Variants in TMEM38A observed in about 807,000 individuals in gnomAD.
TMEM38A encodes the protein trimeric intracellular cation channel type A.
In TMEM38A, 17 loss-of-function variants were observed where a neutral mutation model predicts 28.6. The ratio of observed to expected loss-of-function variants is 0.60; its 90% confidence interval spans 0.41 to 0.89. The LOEUF is 0.89. Ranked by LOEUF, TMEM38A falls within the 40% of genes least tolerant of loss-of-function variation. The probability of loss-of-function intolerance (pLI) is 0.00; values close to 1 mark genes in which losing one functional copy is unlikely to be tolerated. For synonymous variants in TMEM38A, 169 were observed against 166.1 expected (o/e 1.02, Z -0.14); for missense variants, 328 against 393.1 (o/e 0.83, Z 1.40).
At chr19:16,666,084 G>A (rs915203436) in intron 1 of TMEM38A, among the ~76,000 whole-genome samples, 17 of 151,978 alleles carry the variant, frequency 1.1e-4, no homozygotes, top group African/African-American at 2.9e-4. Context: ...GGGTTCAAGC[G>A]ATTCTCCTGC....
At position 16,680,033 on chromosome 19, in the gene TMEM38A, C is replaced by T; in HGVS notation, c.174C>T (p.Ala58=). Residue 58 remains alanine (A), a synonymous_variant, in exon 2 of 6, where the codon GCC becomes GCT. Coordinates refer to ENST00000187762, the MANE Select transcript of TMEM38A (RefSeq NM_024074.4). ...ACCCCATCGCGTCCTGGCTGTGCGCCATGCTGCATTGCTTCGGGAGCTACA... is the reference window on the plus strand; with the variant it reads ...ACCCCATCGCGTCCTGGCTGTGCGCTATGCTGCATTGCTTCGGGAGCTACA... ...RRHPIASWLC[A]MLHCFGSYIL... The T allele has an allele frequency of 6.2e-7, 1 of 1,611,052 alleles. No homozygotes were observed. The highest frequency in any genetic ancestry group is 2.2e-5 in the East Asian group (1 of 44,878).
At chr19:16,688,120 G>C (rs1470304084) in intron 5 of TMEM38A, 24 bp from the exon 6 acceptor site, 2 of 1,413,406 alleles carry the variant, frequency 1.4e-6, no homozygotes, top group Non-Finnish European at 1.9e-6. Flanking sequence ...CTCTCTTGCT[G>C]TCTCCCTGGC....
chr19:16,686,377 T>C lies in TMEM38A; in HGVS notation c.644T>C (p.Ile215Thr), dbSNP rs1427166672. ...LPVSKASLIF[I>T]FTLFMVSCKV... ...GTGTCCAAAGCCAGCCTCATCTTCA[T>C]CTTCACCTTGTTCATGGTGTCCTGT... Residue 215 changes from isoleucine (I) to threonine (T), a missense_variant, in exon 5 of 6, where the codon ATC (isoleucine) becomes ACC (threonine). By Grantham distance (89) the Ile-to-Thr change is moderately conservative. Transcript: ENST00000187762. 6.8e-6 allele frequency: 11 copies of C among 1,613,740 alleles called. No homozygotes were observed. The East Asian group carries it at 2.5e-4, about 36-fold the overall frequency.
At chr19:16,682,858 G>A (rs896296528) in intron 4 of TMEM38A, among the ~76,000 whole-genome samples, 4 of 152,190 alleles carry the variant, frequency 2.6e-5, no homozygotes, top group African/African-American at 7.2e-5. Flanking sequence ...AGGGTACAGG[G>A]TATGCATGGG....
rs2086814351 is a variant in TMEM38A, at chr19:16,688,997, CT to C, written c.*627del. The C allele has an allele frequency of 1.3e-5, 1 of 79,168 alleles. No individual in the cohort carries two copies. The highest frequency in any genetic ancestry group is 4.9e-5 in the African/African-American group (1 of 20,250). 4.9% of individuals were successfully genotyped at this position (79,168 alleles called of 1,614,324 possible). On this transcript the variant is annotated 3_prime_UTR_variant, in exon 6 of 6. Coordinates refer to ENST00000187762, the MANE Select transcript of TMEM38A (RefSeq NM_024074.4). ...AATAAGACCTGTCTCCAGCAAGACC[CT>C]GTCTCAAAAAAAAAAAAAAAAATTG...
rs10687050 is a variant in TMEM38A at position 16,684,141 on chromosome 19, C to CAGAGAGAGAG, written c.554+1644_554+1653dup. On this transcript the variant is annotated intron_variant, in intron 4 of 5. Coordinates refer to ENST00000187762, the MANE Select transcript of TMEM38A (RefSeq NM_024074.4). ...CAAGACTCTGTCTCAAAGAAAGAAACAGAGAGAGAGAGAGAGAGAGGAAGG... is the reference window on the plus strand; with the variant it reads ...CAAGACTCTGTCTCAAAGAAAGAAACAGAGAGAGAGAGAGAGAGAGAGAGAGAGAGGAAGG... Among the ~76,000 whole-genome samples, 211 of 147,770 alleles carry CAGAGAGAGAG rather than the reference C, an allele frequency of 1.4e-3. 5 individuals are homozygous for CAGAGAGAGAG. In the South Asian group the frequency reaches 0.042, roughly 29 times the overall value.
chr19:16,666,116 G>C (rs1159538479), intron 1 of TMEM38A, among the ~76,000 whole-genome samples: 1 of 151,736 alleles, frequency 6.6e-6, no homozygotes, highest in Non-Finnish European at 1.5e-5. Flanking sequence ...GAGAAGCTGG[G>C]ATTACAGACA....
chr19:16,680,303 C>T (rs765462775), intron 2 of TMEM38A, 94 bp from the exon 3 acceptor site: 25 of 1,515,378 alleles, frequency 1.6e-5, no homozygotes, highest in African/African-American at 4.1e-5. Context: ...AGGCACAGCA[C>T]GTTGGGGAGG....
At position 16,689,782 on chromosome 19, in the gene TMEM38A, C is replaced by G. The variant is rs926341786; in HGVS notation, c.*1411C>G. The G allele has an allele frequency of 1.3e-5, 2 of 152,276 alleles. No individual in the cohort carries two copies. Among genetic ancestry groups the G allele is most frequent in the Admixed American group, 6.6e-5 (1 of 15,246 alleles). The allele number at this position is 152,276 out of a possible 1,614,324, so 9.4% of individuals were successfully genotyped here. ...TAGCTGAAGGGTCCCTCCTGGTCAC[C>G]CTCATCTCAGCCTAGGTCACCAGGA... is the stretch of plus-strand genomic sequence containing the variant. On this transcript the variant is annotated 3_prime_UTR_variant, in exon 6 of 6. Transcript: ENST00000187762.
chr19:16,680,003 G>T lies in TMEM38A; in HGVS notation c.144G>T (p.Arg48=). The change falls in exon 2 of 6, where the codon CGG becomes CGT. Residue 48 remains arginine, a synonymous_variant. Coordinates refer to ENST00000187762, the MANE Select transcript of TMEM38A (RefSeq NM_024074.4). ...KYEPGAVELS[R]RHPIASWLCA... ...TCCCAGGAGCAGTCGAACTGTCCCGGCGCCACCCCATCGCGTCCTGGCTGT... is the reference window on the plus strand; with the variant it reads ...TCCCAGGAGCAGTCGAACTGTCCCGTCGCCACCCCATCGCGTCCTGGCTGT... 6.2e-7 allele frequency: 1 copy of T among 1,607,956 alleles called. No homozygotes were observed.
chr19:16,666,445 T>C (rs968115546), intron 1 of TMEM38A, among the ~76,000 whole-genome samples: 1 of 151,936 alleles, frequency 6.6e-6, no homozygotes, highest in Non-Finnish European at 1.5e-5. Context: ...TTTTTTTTTT[T>C]CGAGACAGGG....
At chr19:16,687,260 A>G (rs2086805752) in intron 5 of TMEM38A, among the ~76,000 whole-genome samples, 1 of 152,126 alleles carries the variant, frequency 6.6e-6, no homozygotes, top group Admixed American at 6.6e-5. Context: ...TGAACCCGGG[A>G]GGTGGAGGTT....
rs550907884 is a variant in TMEM38A at position 16,673,976 on chromosome 19, G to A, written c.125-6008G>A. Among the ~76,000 whole-genome samples, 20 of 151,994 alleles carry A rather than the reference G, an allele frequency of 1.3e-4. No homozygotes were observed. In the South Asian group the frequency reaches 3.7e-3, roughly 28 times the overall value. On this transcript the variant is annotated intron_variant, in intron 1 of 5. Transcript: ENST00000187762. ...AAATTGGCCAGGCATGGTGGCACAC[G>A]TCTGTACTCCTAGCTACTTGGAAGG...
At chr19:16,665,516 C>T (rs752988193) in intron 1 of TMEM38A, among the ~76,000 whole-genome samples, 3 of 151,790 alleles carry the variant, frequency 2.0e-5, no homozygotes, top group Non-Finnish European at 4.4e-5. Context: ...AGAAACTAAA[C>T]GTCTCTGAAT....
In TMEM38A at chr19:16,661,456, C is replaced by T. The variant is rs1035663857; in HGVS notation, c.124+115C>T. 19 of 929,814 alleles carry T rather than the reference C, an allele frequency of 2.0e-5. No homozygotes were observed. Among genetic ancestry groups the T allele is most frequent in the Admixed American group, 3.4e-5 (1 of 29,610 alleles). The allele number at this position is 929,814 out of a possible 1,614,324, so 57.6% of individuals were successfully genotyped here. A position where few individuals can be genotyped will look rare whatever the true frequency, so the allele number is the denominator to read the frequency against. On this transcript the variant is annotated intron_variant, in intron 1 of 5. Transcript: ENST00000187762. The surrounding 1 kb of genome is among the most constrained non-coding windows in gnomAD (Gnocchi z 6.5). ...TGGTGGAGGGAGCGAGGGACAGGTT[C>T]AAGGATTGCATCGTGGGAGTAGGCA... is the stretch of plus-strand genomic sequence containing the variant.
intron 1 of TMEM38A, among the ~76,000 whole-genome samples, chr19:16,679,457 G>A (rs906995415): frequency 6.6e-6 from 1 of 151,890 alleles, no homozygotes; most frequent in Admixed American, 6.6e-5. Flanking sequence ...TACCGTTCCC[G>A]GCTAATTTTT....
chr19:16,686,509 G>A (rs2122601365), intron 5 of TMEM38A, 104 bp downstream of exon 5: 1 of 910,226 alleles, frequency 1.1e-6, no homozygotes, highest in Non-Finnish European at 1.8e-6. Context: ...TATGTGGCTG[G>A]GACAGGCAGC....
intron 5 of TMEM38A, among the ~76,000 whole-genome samples, chr19:16,687,761 C>CTAA (rs2086807628): frequency 6.6e-6 from 1 of 152,170 alleles, no homozygotes; most frequent in African/African-American, 2.4e-5. Context: ...CCTCCAAAGG[C>CTAA]CTTACCTCCT....
chr19:16,666,076 G>T (rs1424043221), intron 1 of TMEM38A, among the ~76,000 whole-genome samples: 1 of 152,040 alleles, frequency 6.6e-6, no homozygotes, highest in African/African-American at 2.4e-5. Flanking sequence ...CACCTGCCGG[G>T]TTCAAGCGAT....
Sources: allele counts gnomAD v4.1 joint callset (sites outside exome capture counted in the v4.1 genomes callset), GRCh38; gene constraint gnomAD v4.1.1; non-coding constraint Gnocchi (gnomAD v3.1); transcripts MANE v1.5; gene names NCBI Gene and HGNC (gene_info 2026-07-23, HGNC 2026-07-21).